The following CAMSAP1 variants were observed in gnomAD, a reference collection of about 807,000 sequenced individuals.
The protein encoded by CAMSAP1 is calmodulin regulated spectrin associated protein 1, also known as calmodulin-regulated spectrin-associated protein 1.
A neutral mutation model predicts 143.5 loss-of-function variants in CAMSAP1; 58 were observed. The observed-to-expected ratio is 0.40, with a 90% CI of 0.33 to 0.50. The LOEUF (loss-of-function observed/expected upper bound fraction) is 0.50, where lower values mean the gene tolerates loss of function less well. Among genes scored for constraint, CAMSAP1 ranks in the 20% least tolerant of loss-of-function variants. CAMSAP1 has a pLI of 0.45. For missense variants in CAMSAP1, 1,969 were observed against 2,115.7 expected, an observed-to-expected ratio of 0.93 and a Z score of 1.36; for synonymous variants, 945 against 859.3, an observed-to-expected ratio of 1.10 and a Z score of -1.74.
At chr9:135,850,085 C>G in intron 7 of CAMSAP1, 52 bp downstream of exon 7, 1 of 1,447,050 alleles carries the variant, frequency 6.9e-7, no homozygotes, top group East Asian at 2.4e-5. Context: ...CTTTCTGATA[C>G]TCTAGGCTCT....
chr9:135,865,245 T>G, intron 4 of CAMSAP1: 1 of 1,320,374 alleles, frequency 7.6e-7, no homozygotes, highest in Non-Finnish European at 1.1e-6. Context: ...AAAAAACAGT[T>G]TTGGGTGCGA....
chr9:135,817,548 C>CGTGG (rs1835274100), intron 14 of CAMSAP1, among the ~76,000 whole-genome samples: 2 of 152,054 alleles, frequency 1.3e-5, no homozygotes, highest in East Asian at 3.9e-4. Context: ...CATGCCCCCA[C>CGTGG]ACCCAGCTAA....
intron 7 of CAMSAP1, among the ~76,000 whole-genome samples, chr9:135,832,645 G>A (rs1010110553): frequency 6.6e-6 from 1 of 151,980 alleles, no homozygotes; most frequent in East Asian, 1.9e-4. Context: ...AATCCTAAAG[G>A]CTCCATAAAA....
intron 3 of CAMSAP1, among the ~76,000 whole-genome samples, chr9:135,870,572 T>C (rs1837537553): frequency 6.6e-6 from 1 of 152,112 alleles, no homozygotes. Flanking sequence ...GGCAGATGGA[T>C]CACTTGAAGG....
intron 1 of CAMSAP1, among the ~76,000 whole-genome samples, chr9:135,888,943 CG>C (rs960295502): frequency 1.2e-4 from 19 of 152,204 alleles, no homozygotes; most frequent in Non-Finnish European, 2.6e-4. Flanking sequence ...GGCGCTGGCC[CG>C]GGCATGCCAC....
chr9:135,898,156 G>A (rs1170634198), intron 1 of CAMSAP1, among the ~76,000 whole-genome samples: 1 of 152,172 alleles, frequency 6.6e-6, no homozygotes, highest in Non-Finnish European at 1.5e-5. Context: ...AAGGGAAGGA[G>A]ACAGGTGTGG....
intron 1 of CAMSAP1, among the ~76,000 whole-genome samples, chr9:135,892,763 A>G (rs1415657605): frequency 6.7e-6 from 1 of 149,390 alleles, no homozygotes; most frequent in African/African-American, 2.5e-5. Flanking sequence ...AGGCAGGAGA[A>G]TCTCTTGAAC....
At chr9:135,898,276 A>G (rs1010370646) in intron 1 of CAMSAP1, among the ~76,000 whole-genome samples, 5 of 152,222 alleles carry the variant, frequency 3.3e-5, no homozygotes, top group Non-Finnish European at 5.9e-5. Flanking sequence ...AGAAGAAGTC[A>G]TCATTAGGGA....
At chr9:135,883,905 G>A (rs1030010268) in intron 1 of CAMSAP1, among the ~76,000 whole-genome samples, 2 of 152,112 alleles carry the variant, frequency 1.3e-5, no homozygotes, top group Non-Finnish European at 2.9e-5. Context: ...TGCAACATAC[G>A]CCGCCTCCCA....
chr9:135,833,561 A>G (rs576883585), intron 7 of CAMSAP1, among the ~76,000 whole-genome samples: 1 of 152,356 alleles, frequency 6.6e-6, no homozygotes, highest in Non-Finnish European at 1.5e-5. Flanking sequence ...CACCATGGGG[A>G]AAGGATAGTA....
chr9:135,843,786 A>G (rs952174777), intron 7 of CAMSAP1, among the ~76,000 whole-genome samples: 5 of 149,170 alleles, frequency 3.4e-5, no homozygotes, highest in African/African-American at 1.2e-4. Flanking sequence ...AGGCAGGACA[A>G]TGGCGTGAAC....
chr9:135,861,893 CGTT>C (rs1218995356), intron 5 of CAMSAP1, among the ~76,000 whole-genome samples: 1 of 152,194 alleles, frequency 6.6e-6, no homozygotes, highest in Non-Finnish European at 1.5e-5. Context: ...TCTCTCTCCT[CGTT>C]GTTAGGGTGT....
At position 135,821,622 on chromosome 9, in the gene CAMSAP1, C is replaced by T. The variant is rs773190167; in HGVS notation, c.3039G>A (p.Glu1013=). The change falls in exon 11 of 17, where the codon GAG becomes GAA. Residue 1013 remains glutamate (E), a synonymous_variant. Transcript: ENST00000389532. The surrounding 1 kb of genome is among the most constrained non-coding windows in gnomAD (Gnocchi z 4.6). ...SAALLEDTVG[E]VVDVNECDLS... is the part of the protein sequence containing the mutation. ...GGTCACATTCATTCACGTCGACAAC[C>T]TCCCCAACAGTGTCCTCCAGGAGGG... The T allele has an allele frequency of 8.1e-6, 13 of 1,613,918 alleles. No individual in the cohort carries two copies. In the East Asian group the frequency reaches 2.7e-4, roughly 33 times the overall value.
At position 135,824,065 on chromosome 9, in the gene CAMSAP1, G is replaced by C. The variant is rs749349741; in HGVS notation, c.1316-31C>G. 35 of 1,535,862 alleles carry C rather than the reference G, an allele frequency of 2.3e-5. No individual in the cohort carries two copies. Among genetic ancestry groups the C allele is most frequent in the Non-Finnish European group, 3.1e-5 (35 of 1,130,660 alleles). ...GTACAGAGGAATTAGATAGTGTTAA[G>C]TAACCAATTTTCTATCACTTGAAAT... On this transcript the variant is annotated intron_variant, in intron 9 of 16. Transcript: ENST00000389532. This position sits in a 1 kb window ranked among gnomAD's most constrained non-coding sequence, Gnocchi z 4.1.
intron 7 of CAMSAP1, among the ~76,000 whole-genome samples, chr9:135,846,383 A>T (rs1836551515): frequency 6.6e-6 from 1 of 152,100 alleles, no homozygotes; most frequent in Non-Finnish European, 1.5e-5. Flanking sequence ...AACTCAAGAC[A>T]GATTAAAGAC....
intron 7 of CAMSAP1, among the ~76,000 whole-genome samples, chr9:135,837,385 G>A (rs976480325): frequency 4.5e-5 from 6 of 132,974 alleles, no homozygotes; most frequent in South Asian, 2.5e-4. Context: ...ACGTCATCAC[G>A]CACTTTCTGC....
chr9:135,842,691 A>G (rs558035304), intron 7 of CAMSAP1, among the ~76,000 whole-genome samples: 2 of 152,230 alleles, frequency 1.3e-5, no homozygotes, highest in Non-Finnish European at 2.9e-5. Flanking sequence ...AATATTCAAC[A>G]TTCTTAAAGA....
intron 1 of CAMSAP1, among the ~76,000 whole-genome samples, chr9:135,900,473 C>G (rs1022512229): frequency 1.3e-5 from 2 of 151,968 alleles, no homozygotes. Context: ...GTGGGCAGAT[C>G]ACGAGGTCAG....
At position 135,821,942 on chromosome 9, in the gene CAMSAP1, G is replaced by A. The variant is rs978465351; in HGVS notation, c.2719C>T (p.Arg907Cys). Residue 907 changes from arginine (R) to cysteine (C), a missense_variant, in exon 11 of 17, where the codon CGC becomes TGC. By Grantham distance (180) the Arg-to-Cys change is radical (BLOSUM62 -3). Coordinates refer to ENST00000389532, the MANE Select transcript of CAMSAP1 (RefSeq NM_015447.4). The surrounding 1 kb of genome is among the most constrained non-coding windows in gnomAD (Gnocchi z 4.6). ...AATGCAGCCTTGCCGAGCTTCAGGCGCTGCCTTGCCGACAGCGCCTCCATC... is the reference window on the plus strand; with the variant it reads ...AATGCAGCCTTGCCGAGCTTCAGGCACTGCCTTGCCGACAGCGCCTCCATC... ...KKMEALSARQ[R>C]LKLGKAAFLH... The A allele has an allele frequency of 3.7e-6, 6 of 1,612,474 alleles. No individual in the cohort carries two copies. The African/African-American group carries it at 4.0e-5, about 11-fold the overall frequency.
Sources: gnomAD v4.1 joint callset for allele counts (sites outside exome capture counted in the v4.1 genomes callset) on GRCh38, gnomAD v4.1.1 for gene constraint, Gnocchi (gnomAD v3.1) non-coding constraint, MANE v1.5 for transcripts, NCBI Gene and HGNC (gene_info 2026-07-23, HGNC 2026-07-21) for gene names.